The following SLC5A10 variants were observed in gnomAD, a reference collection of about 807,000 sequenced individuals.
The protein encoded by SLC5A10 is solute carrier family 5 member 10.
SLC5A10 carries 55 observed loss-of-function variants against 68.9 expected under a neutral mutation model. The observed-to-expected ratio is 0.80, with a 90% CI of 0.64 to 1.00. The LOEUF (loss-of-function observed/expected upper bound fraction) is 1.00, where lower values mean the gene tolerates loss of function less well. Ranked by LOEUF, SLC5A10 falls within the 50% of genes least tolerant of loss-of-function variation. The probability of loss-of-function intolerance (pLI) is 0.00; values close to 1 mark genes in which losing one functional copy is unlikely to be tolerated. For missense variants in SLC5A10, 732 were observed against 819.3 expected (o/e 0.89, Z 1.30); for synonymous variants, 344 against 344.8 (o/e 1.00, Z 0.02).
At chr17:19,010,456 C>T (rs1016571491) in intron 9 of SLC5A10, among the ~76,000 whole-genome samples, 53 of 152,238 alleles carry the variant, frequency 3.5e-4, no homozygotes, top group African/African-American at 1.1e-3. Flanking sequence ...TCTGCCTCCC[C>T]GGGGCTGCTT....
In SLC5A10 at chr17:19,004,199, GGCGGGGAGGGCGGGCCGC is replaced by G; in HGVS notation, c.983-9200_983-9183del. 1.6e-6 allele frequency: 1 copy of G among 639,954 alleles called. No homozygotes were observed. Among genetic ancestry groups the G allele is most frequent in the Non-Finnish European group, 2.5e-6 (1 of 403,814 alleles). 39.6% of individuals were successfully genotyped at this position (639,954 alleles called of 1,614,324 possible). ...GGGAAAGACCTGATGAGCCCGGCTC[GGCGGGGAGGGCGGGCCGC>G]GCGGGGAGGGGCGGCGGGGGCGGGG... On this transcript the variant is annotated intron_variant, in intron 9 of 14. Coordinates refer to ENST00000395645, the MANE Select transcript of SLC5A10 (RefSeq NM_001042450.4). This position sits in a 1 kb window ranked among gnomAD's most constrained non-coding sequence, Gnocchi z 5.4.
chr17:18,995,072 CAAACAA>C (rs2043528894), intron 9 of SLC5A10, among the ~76,000 whole-genome samples: 1 of 151,958 alleles, frequency 6.6e-6, no homozygotes, highest in African/African-American at 2.4e-5. Flanking sequence ...GAAAACAAAA[CAAACAA>C]AAACTACAAA....
intron 5 of SLC5A10, among the ~76,000 whole-genome samples, chr17:18,965,389 T>C (rs1194408269): frequency 6.6e-6 from 1 of 152,152 alleles, no homozygotes; most frequent in African/African-American, 2.4e-5. Flanking sequence ...CTAGTGTCAG[T>C]GCAGAGCCCA....
intron 5 of SLC5A10, among the ~76,000 whole-genome samples, chr17:18,964,558 G>T (rs2042673636): frequency 6.6e-6 from 1 of 152,198 alleles, no homozygotes; most frequent in African/African-American, 2.4e-5. Flanking sequence ...CATAAGAAAT[G>T]GTAAAAGTGT....
At chr17:18,979,790 G>GA (rs2043083128) in intron 9 of SLC5A10, 3 of 1,183,038 alleles carry the variant, frequency 2.5e-6, no homozygotes, top group Non-Finnish European at 3.6e-6. Flanking sequence ...AGGAGGGGAA[G>GA]AAAGAGGCTG....
intron 8 of SLC5A10, chr17:18,976,619 G>C (rs2042986876): frequency 3.6e-6 from 2 of 549,324 alleles, no homozygotes; most frequent in Middle Eastern, 4.7e-4. Flanking sequence ...CAGGTCAGGG[G>C]ACTGAGTCCC....
chr17:18,992,584 TC>T, intron 9 of SLC5A10, among the ~76,000 whole-genome samples: 1 of 152,122 alleles, frequency 6.6e-6, no homozygotes, highest in Non-Finnish European at 1.5e-5. Context: ...CTCCTCAATC[TC>T]CCTCAGCCCC....
Position 18,969,090 on chromosome 17 carries a change from C to T in SLC5A10, c.492C>T (p.Cys164=). The part of the protein sequence containing the change: ...LYAGALFVHI[C]LGWNFYLSTI... ...CGGGGGCTCTGTTTGTGCACATCTGCCTGGGCTGGAACTTCTACCTCTCCA... is the reference window on the plus strand; with the variant it reads ...CGGGGGCTCTGTTTGTGCACATCTGTCTGGGCTGGAACTTCTACCTCTCCA... The change falls in exon 6 of 15, where the codon TGC becomes TGT. Residue 164 remains cysteine, a synonymous_variant. Transcript: ENST00000395645. The T allele has an allele frequency of 1.2e-6, 2 of 1,614,126 alleles. No individual in the cohort carries two copies. Among genetic ancestry groups the T allele is most frequent in the Non-Finnish European group, 1.7e-6 (2 of 1,179,982 alleles).
rs1242375050 is a variant in SLC5A10 at position 19,018,312 on chromosome 17, AG to A, written c.1242-1108del. 1 of 152,342 alleles carries A rather than the reference AG, an allele frequency of 6.6e-6. No homozygotes were observed. Among genetic ancestry groups the A allele is most frequent in the Non-Finnish European group, 1.5e-5 (1 of 68,126 alleles). The allele number at this position is 152,342 out of a possible 1,614,324, so 9.4% of individuals were successfully genotyped here. A position where few individuals can be genotyped will look rare whatever the true frequency, so the allele number is the denominator to read the frequency against. Reference sequence around the variant, plus strand: ...GGACACAGGGGTGAGGTGCTCAGCCAGGGAGGAGCGGATGGATGCCATGCCC... The same window carrying A: ...GGACACAGGGGTGAGGTGCTCAGCCAGGAGGAGCGGATGGATGCCATGCCC... On this transcript the variant is annotated intron_variant, in intron 11 of 14. Coordinates refer to ENST00000395645, the MANE Select transcript of SLC5A10 (RefSeq NM_001042450.4). This position sits in a 1 kb window ranked among gnomAD's most constrained non-coding sequence, Gnocchi z 4.2.
At chr17:18,973,392 C>T (rs1409962676) in intron 8 of SLC5A10, among the ~76,000 whole-genome samples, 1 of 152,238 alleles carries the variant, frequency 6.6e-6, no homozygotes, top group East Asian at 1.9e-4. Context: ...GGAGGAGGAA[C>T]ACTGCTGACC....
chr17:19,020,068 T>G (rs1270748216), intron 13 of SLC5A10, 87 bp from the exon 14 acceptor site: 1 of 1,464,022 alleles, frequency 6.8e-7, no homozygotes, highest in Non-Finnish European at 9.4e-7. Flanking sequence ...AGCTGCCATC[T>G]TGCCATCCCC....
intron 9 of SLC5A10, among the ~76,000 whole-genome samples, chr17:19,010,580 G>A (rs2043992934): frequency 6.6e-6 from 1 of 152,194 alleles, no homozygotes; most frequent in South Asian, 2.1e-4. Flanking sequence ...GTGGGACTCG[G>A]GGCGGTTTCC....
At chr17:19,019,327 G>A (rs1006870090) in intron 11 of SLC5A10, 96 bp from the exon 12 acceptor site, 283 of 1,446,868 alleles carry the variant, frequency 2.0e-4, no homozygotes, top group Non-Finnish European at 2.5e-4. Flanking sequence ...GGTAGCAGGG[G>A]AAAGATTAGA....
At chr17:18,991,516 G>A (rs1903251852) in intron 9 of SLC5A10, among the ~76,000 whole-genome samples, 1 of 152,176 alleles carries the variant, frequency 6.6e-6, no homozygotes, top group Admixed American at 6.5e-5. Flanking sequence ...AATGAGAGGG[G>A]AGGCTGACTC....
At chr17:19,001,988 G>A (rs1170786324) in intron 9 of SLC5A10, among the ~76,000 whole-genome samples, 3 of 152,178 alleles carry the variant, frequency 2.0e-5, no homozygotes, top group Admixed American at 6.5e-5. Context: ...GCTCTCTGTG[G>A]GGACTGGGTT....
In SLC5A10 at chr17:18,971,831, A is replaced by G. The variant is rs987823264; in HGVS notation, c.846+613A>G. On this transcript the variant is annotated intron_variant, in intron 8 of 14. Coordinates refer to ENST00000395645, the MANE Select transcript of SLC5A10 (RefSeq NM_001042450.4). The surrounding 1 kb of genome is among the most constrained non-coding windows in gnomAD (Gnocchi z 5.5). ...ACAGGACCCTGCTCAGGCACACAGG[A>G]GCCGGCAGGCCCGGGTTCGCCTCCT... 2.7e-6 allele frequency: 4 copies of G among 1,463,198 alleles called. No homozygotes were observed. Among genetic ancestry groups the G allele is most frequent in the Admixed American group, 2.4e-5 (1 of 41,018 alleles). 90.6% of individuals were successfully genotyped at this position (1,463,198 alleles called of 1,614,324 possible). A position where few individuals can be genotyped will look rare whatever the true frequency, so the allele number is the denominator to read the frequency against.
At chr17:18,989,258 C>G (rs2043349639) in intron 9 of SLC5A10, among the ~76,000 whole-genome samples, 1 of 152,032 alleles carries the variant, frequency 6.6e-6, no homozygotes. Context: ...CTAGGCCACA[C>G]AGCAAGCTGG....
chr17:18,993,442 C>T (rs1254611306), intron 9 of SLC5A10, among the ~76,000 whole-genome samples: 1 of 152,168 alleles, frequency 6.6e-6, no homozygotes, highest in Non-Finnish European at 1.5e-5. Context: ...TAAGAGGGGA[C>T]AGTTTCCAAC....
At chr17:18,985,873 G>A (rs1004355178) in intron 9 of SLC5A10, among the ~76,000 whole-genome samples, 5 of 152,254 alleles carry the variant, frequency 3.3e-5, no homozygotes, top group African/African-American at 9.6e-5. Flanking sequence ...GTGGAACAGG[G>A]CAGGCCTCAT....
Sources: allele counts gnomAD v4.1 joint callset (sites outside exome capture counted in the v4.1 genomes callset), GRCh38; gene constraint gnomAD v4.1.1; non-coding constraint Gnocchi (gnomAD v3.1); transcripts MANE v1.5; gene names NCBI Gene and HGNC (gene_info 2026-07-23, HGNC 2026-07-21).